The following SIRT4 variants were observed in gnomAD, a reference collection of about 807,000 sequenced individuals.
SIRT4 encodes NAD-dependent protein lipoamidase sirtuin-4, mitochondrial.
Under a neutral mutation model 26.1 loss-of-function variants are expected in SIRT4, and 23 were observed. That is an observed-to-expected ratio of 0.88 (90% CI 0.63 to 1.25). The LOEUF (loss-of-function observed/expected upper bound fraction) is 1.25. Among genes scored for constraint, SIRT4 ranks in the 50% most tolerant of loss-of-function variants. SIRT4 has a pLI of 0.00. For synonymous variants in SIRT4, 155 were observed against 158.4 expected (o/e 0.98, Z 0.16); for missense variants, 361 against 405.4 (o/e 0.89, Z 0.94).
In SIRT4 at chr12:120,303,929, C is replaced by G; in HGVS notation, c.368C>G (p.Pro123Arg). Residue 123 changes from proline (P) to arginine (R), a missense_variant, in exon 2 of 4, where the codon CCT becomes CGT. Transcript: ENST00000202967. ...CAATTCTCCTCCCACCAGCCTAACCCTGCACACTGGGCTTTGAGCACCTGG... is the reference window on the plus strand; with the variant it reads ...CAATTCTCCTCCCACCAGCCTAACCGTGCACACTGGGCTTTGAGCACCTGG... ...WPQFSSHQPN[P>R]AHWALSTWEK... is the part of the protein sequence containing the mutation. The G allele has an allele frequency of 6.2e-7, 1 of 1,614,206 alleles. No homozygotes were observed. Among genetic ancestry groups the G allele is most frequent in the South Asian group, 1.1e-5 (1 of 91,080 alleles).
chr12:120,304,111 G>A, intron 2 of SIRT4, 53 bp downstream of exon 2: 1 of 1,576,856 alleles, frequency 6.3e-7, no homozygotes, highest in Non-Finnish European at 8.6e-7. Context: ...TTTTGGGAGA[G>A]TAGGGACCTT....
Position 120,312,753 on chromosome 12 carries a change from A to G in SIRT4, c.792+3A>G. On this transcript the variant is annotated splice_donor_region_variant and intron_variant, in intron 3 of 3. Transcript: ENST00000202967. The stretch of plus-strand genomic sequence containing the variant: ...TGGTGGTGGGATCATCCTTGCAGGT[A>G]TCTGACTTGGCAAGAGTGGTAACCA... The G allele has an allele frequency of 6.2e-7, 1 of 1,611,432 alleles. No individual in the cohort carries two copies.
rs1434421279 is a variant in SIRT4 at position 120,302,737 on chromosome 12, TG to T, written c.-2+360del. On this transcript the variant is annotated intron_variant, in intron 1 of 3. Coordinates refer to ENST00000202967, the MANE Select transcript of SIRT4 (RefSeq NM_012240.3). ...TTCTTTTTCTTTTTTTTTTTTTTTT[TG>T]ATACGGAGTCTTGCTTCTTCGCCCA... Among the ~76,000 whole-genome samples the T allele has an allele frequency of 3.0e-4, 46 of 151,196 alleles. 1 individual carries two copies. The highest frequency in any genetic ancestry group is 2.3e-3 in the Admixed American group (35 of 15,196).
At chr12:120,307,846 G>A (rs913529863) in intron 2 of SIRT4, among the ~76,000 whole-genome samples, 3 of 152,018 alleles carry the variant, frequency 2.0e-5, no homozygotes, top group African/African-American at 4.8e-5. Flanking sequence ...CAACAAGAAC[G>A]AAACTCCTTC....
At chr12:120,308,518 T>A (rs1444110662) in intron 2 of SIRT4, among the ~76,000 whole-genome samples, 2 of 152,122 alleles carry the variant, frequency 1.3e-5, no homozygotes, top group Non-Finnish European at 2.9e-5. Flanking sequence ...TGGCTCAGGT[T>A]TGTCTAGGCA....
At chr12:120,292,040 G>A in the SIRT4 span, 2 of 152,290 alleles carry the variant, frequency 1.3e-5, no homozygotes, top group East Asian at 1.9e-4. Context: ...CTGCATAGGA[G>A]GTTTCTTGTT....
upstream of SIRT4, among the ~76,000 whole-genome samples, chr12:120,298,908 AAAATAAAT>A (rs34954726): frequency 6.7e-4 from 86 of 127,536 alleles, no homozygotes; most frequent in East Asian, 4.3e-3. Flanking sequence ...TCCGTCTCAA[AAAATAAAT>A]AAATAAATAA....
intron 2 of SIRT4, among the ~76,000 whole-genome samples, chr12:120,309,961 C>T (rs1227898944): frequency 6.6e-6 from 1 of 151,948 alleles, no homozygotes; most frequent in Non-Finnish European, 1.5e-5. Context: ...AACTGATCCA[C>T]CCATCTTGGC....
intron 2 of SIRT4, among the ~76,000 whole-genome samples, chr12:120,311,873 A>G (rs905299209): frequency 1.3e-5 from 2 of 151,982 alleles, no homozygotes; most frequent in African/African-American, 4.8e-5. Context: ...AGCAAGGGAA[A>G]GTATAGAGGG....
rs565558341 is a variant in SIRT4 at position 120,303,733 on chromosome 12, C to G, written c.172C>G (p.Leu58Val). The change falls in exon 2 of 4, where the codon CTT becomes GTT. Residue 58 changes from leucine to valine, a missense_variant. Coordinates refer to ENST00000202967, the MANE Select transcript of SIRT4 (RefSeq NM_012240.3). ...CTTCATCACCCTTTCCAAGAGACTC[C>G]TTGTGATGACTGGGGCAGGAATCTC... ...QRFITLSKRL[L>V]VMTGAGISTE... is the part of the protein sequence containing the mutation. 1.2e-6 allele frequency: 2 copies of G among 1,614,142 alleles called. No homozygotes were observed. The highest frequency in any genetic ancestry group is 4.5e-5 in the East Asian group (2 of 44,890).
chr12:120,301,880 C>G (rs140691657), upstream of SIRT4, among the ~76,000 whole-genome samples: 78 of 152,104 alleles, frequency 5.1e-4, 1 homozygote, highest in East Asian at 0.013. Context: ...TCAAGACGAG[C>G]CTGGCCAACA....
chr12:120,304,999 C>T (rs570528578), intron 2 of SIRT4, among the ~76,000 whole-genome samples: 40 of 151,064 alleles, frequency 2.6e-4, no homozygotes, highest in Non-Finnish European at 5.8e-4. Context: ...ACTAAAAATA[C>T]AAAAATCTGT....
At position 120,312,589 on chromosome 12, in the gene SIRT4, C is replaced by CA. The variant is rs1565873092; in HGVS notation, c.633dup (p.Val212SerfsTer30). The CA allele has an allele frequency of 6.2e-7, 1 of 1,614,178 alleles. No individual in the cohort carries two copies. Among genetic ancestry groups the CA allele is most frequent in the Non-Finnish European group, 8.5e-7 (1 of 1,180,036 alleles). ...TGGTGACGTCTTTCTCTCAGAGGAG[C>CA]AAGTCCGGAGCTTTCAGGTCCCAAC... On this transcript the variant is annotated frameshift_variant, in exon 3 of 4. Transcript: ENST00000202967. LOFTEE classifies it high-confidence loss of function.
upstream of SIRT4, among the ~76,000 whole-genome samples, chr12:120,300,008 G>A (rs1026314620): frequency 7.9e-5 from 12 of 152,252 alleles, no homozygotes; most frequent in African/African-American, 2.9e-4. Context: ...AAGCAGGCCC[G>A]GCATGGTGGC....
In SIRT4 at chr12:120,303,572, G is replaced by A; in HGVS notation, c.11G>A (p.Ser4Asn). The A allele has an allele frequency of 1.9e-6, 3 of 1,610,540 alleles. No individual in the cohort carries two copies. Among genetic ancestry groups the A allele is most frequent in the South Asian group, 2.2e-5 (2 of 90,624 alleles). The change falls in exon 2 of 4, where the codon AGC becomes AAC. Residue 4 changes from serine to asparagine, a missense_variant. By Grantham distance (46) the Ser-to-Asn change is conservative. Coordinates refer to ENST00000202967, the MANE Select transcript of SIRT4 (RefSeq NM_012240.3). MKM[S>N]FALTFRSAKG... ...TTCTTTTTCTCTAGAATGAAGATGA[G>A]CTTTGCGTTGACTTTCAGGTCAGCA...
chr12:120,308,154 G>C (rs540454556), intron 2 of SIRT4, among the ~76,000 whole-genome samples: 39 of 145,258 alleles, frequency 2.7e-4, no homozygotes, highest in Non-Finnish European at 3.9e-4. Context: ...ACCATGCCTG[G>C]CCCAAGAAAG....
the SIRT4 span, among the ~76,000 whole-genome samples, chr12:120,293,516 C>G: frequency 6.6e-6 from 1 of 152,168 alleles, no homozygotes; most frequent in African/African-American, 2.4e-5. Context: ...GGATCAAAAT[C>G]AGGGTTCTGT....
chr12:120,307,367 T>C (rs1042151350), intron 2 of SIRT4, among the ~76,000 whole-genome samples: 4 of 152,074 alleles, frequency 2.6e-5, no homozygotes, highest in Non-Finnish European at 5.9e-5. Flanking sequence ...CGGGCGCCTA[T>C]AGTCCCAGCT....
Position 120,303,808 on chromosome 12 carries a change from G to T in SIRT4, c.247G>T (p.Ala83Ser). ...CAGGTCAGAAAAAGTGGGGCTTTAT[G>T]CCCGCACTGACCGCAGGCCCATCCA... ...DYRSEKVGLYARTDRRPIQHG... is the reference protein window; with the variant it reads ...DYRSEKVGLYSRTDRRPIQHG... The change falls in exon 2 of 4, where the codon GCC becomes TCC. Residue 83 changes from alanine (A) to serine (S), a missense_variant. Coordinates refer to ENST00000202967, the MANE Select transcript of SIRT4 (RefSeq NM_012240.3). 6.2e-7 allele frequency: 1 copy of T among 1,614,152 alleles called. No homozygotes were observed. The highest frequency in any genetic ancestry group is 1.1e-5 in the South Asian group (1 of 91,080).
Sources: allele counts gnomAD v4.1 joint callset (sites outside exome capture counted in the v4.1 genomes callset), GRCh38; gene constraint gnomAD v4.1.1; transcripts MANE v1.5; gene names NCBI Gene and HGNC (gene_info 2026-07-23, HGNC 2026-07-21).